Variants in STIM1 observed in about 807,000 individuals in gnomAD.
STIM1 encodes the protein stromal interaction molecule 1.
STIM1 carries 25 observed loss-of-function variants against 74.7 expected under a neutral mutation model. That is an observed-to-expected ratio of 0.33 (90% CI 0.24 to 0.47). The LOEUF (loss-of-function observed/expected upper bound fraction) is 0.47, where lower values mean the gene tolerates loss of function less well. Ranked by LOEUF, STIM1 falls within the 20% of genes least tolerant of loss-of-function variation. The pLI is 1.00. For missense variants in STIM1, 728 were observed against 920.8 expected, an observed-to-expected ratio of 0.79 and a Z score of 2.71; for synonymous variants, 328 against 348.8, an observed-to-expected ratio of 0.94 and a Z score of 0.66.
intron 1 of STIM1, among the ~76,000 whole-genome samples, chr11:3,917,111 T>A (rs969701573): frequency 6.6e-6 from 1 of 152,160 alleles, no homozygotes; most frequent in Non-Finnish European, 1.5e-5. Context: ...CACACCCTTA[T>A]GTACGCGTAG....
chr11:3,910,809 T>A (rs2092549241), intron 1 of STIM1, among the ~76,000 whole-genome samples: 1 of 149,154 alleles, frequency 6.7e-6, no homozygotes, highest in Admixed American at 6.7e-5. Context: ...GTGAAACCCC[T>A]GTCTCTACTA....
chr11:4,048,066 A>G (rs1282808129), intron 3 of STIM1, among the ~76,000 whole-genome samples: 6 of 152,058 alleles, frequency 3.9e-5, no homozygotes, highest in African/African-American at 1.4e-4. Context: ...TGATCTGCCC[A>G]CCTCAGCCTC....
intron 1 of STIM1, among the ~76,000 whole-genome samples, chr11:3,858,536 G>T (rs1413920582): frequency 6.6e-6 from 1 of 152,126 alleles, no homozygotes; most frequent in East Asian, 1.9e-4. Flanking sequence ...TTTTCCCCTT[G>T]GGTCTACCTG....
chr11:4,086,895 C>A (rs2094497300), intron 12 of STIM1: 1 of 1,512,294 alleles, frequency 6.6e-7, no homozygotes, highest in African/African-American at 1.4e-5. Context: ...TCTTCCCTTC[C>A]TTCCCTTTCT....
At chr11:4,021,818 A>G (rs1221122094) in intron 2 of STIM1, among the ~76,000 whole-genome samples, 1 of 152,178 alleles carries the variant, frequency 6.6e-6, no homozygotes, top group East Asian at 1.9e-4. Flanking sequence ...CCATGTACAT[A>G]GGGTATCTTT....
At chr11:3,895,042 C>G (rs1023720076) in intron 1 of STIM1, among the ~76,000 whole-genome samples, 12 of 152,194 alleles carry the variant, frequency 7.9e-5, no homozygotes, top group African/African-American at 2.9e-4. Flanking sequence ...AGCCACCGCG[C>G]CCGGCCGACC....
chr11:3,990,446 CATACAT>C (rs1176068483), intron 2 of STIM1, among the ~76,000 whole-genome samples: 2 of 152,156 alleles, frequency 1.3e-5, no homozygotes, highest in Non-Finnish European at 2.9e-5. Context: ...CTCTTGGGTA[CATACAT>C]ATGAATAGAA....
intron 1 of STIM1, among the ~76,000 whole-genome samples, chr11:3,945,215 T>G (rs2135630847): frequency 6.6e-6 from 1 of 152,296 alleles, no homozygotes; most frequent in Non-Finnish European, 1.5e-5. Flanking sequence ...GCAGTTATTG[T>G]GAGAATTTAA....
chr11:3,863,813 A>G (rs2090737532), intron 1 of STIM1, among the ~76,000 whole-genome samples: 1 of 152,132 alleles, frequency 6.6e-6, no homozygotes, highest in African/African-American at 2.4e-5. Context: ...TTTACTTCAT[A>G]ATGGCCCCAA....
intron 2 of STIM1, among the ~76,000 whole-genome samples, chr11:3,986,282 T>A (rs1444353481): frequency 1.3e-5 from 2 of 152,164 alleles, no homozygotes; most frequent in Non-Finnish European, 2.9e-5. Context: ...AGAAAAGGTA[T>A]TGCCTGAGAT....
intron 2 of STIM1, among the ~76,000 whole-genome samples, chr11:3,992,710 A>G (rs557329208): frequency 6.6e-6 from 1 of 152,214 alleles, no homozygotes; most frequent in East Asian, 1.9e-4. Flanking sequence ...CAAGGTCGTG[A>G]TGACTTACCC....
rs558911615 is a variant in STIM1, at chr11:3,917,435, G to GTTTT, written c.140-50103_140-50100dup. 8.2e-4 allele frequency among the ~76,000 whole-genome samples: 109 copies of GTTTT among 133,320 alleles called. 2 individuals carry two copies. The highest frequency in any genetic ancestry group is 2.9e-3 in the African/African-American group (106 of 36,298). 87.5% of individuals were successfully genotyped at this position (133,320 alleles called of 152,430 possible). On this transcript the variant is annotated intron_variant, in intron 1 of 12. Coordinates refer to ENST00000526596, the MANE Select transcript of STIM1 (RefSeq NM_001382567.1). ...TGAATGCTGACTTCACAGGGTTTCTGTTTTTTTTTTTTTTTTTGAGACAGG... is the reference window on the plus strand; with the variant it reads ...TGAATGCTGACTTCACAGGGTTTCTGTTTTTTTTTTTTTTTTTTTTTGAGACAGG...
chr11:3,880,715 G>T (rs1223610040), intron 1 of STIM1, among the ~76,000 whole-genome samples: 1 of 151,964 alleles, frequency 6.6e-6, no homozygotes, highest in Non-Finnish European at 1.5e-5. Flanking sequence ...TTATATCTCT[G>T]GCCTCCCTGG....
intron 1 of STIM1, among the ~76,000 whole-genome samples, chr11:3,864,002 G>T (rs988257846): frequency 6.6e-6 from 1 of 151,982 alleles, no homozygotes; most frequent in South Asian, 2.1e-4. Flanking sequence ...CATCCCCCGA[G>T]AATAAAGGAG....
chr11:4,030,248 G>T (rs1346937120), intron 3 of STIM1, among the ~76,000 whole-genome samples: 1 of 150,620 alleles, frequency 6.6e-6, no homozygotes, highest in Non-Finnish European at 1.5e-5. Context: ...AGAATTGTTT[G>T]AACCCAGGGT....
At chr11:3,879,255 G>C (rs2018918) in intron 1 of STIM1, among the ~76,000 whole-genome samples, 147,667 of 152,342 alleles carry the variant, frequency 0.97, 71,578 homozygotes, top group East Asian at 1. Flanking sequence ...TGCGTCCAGC[G>C]TTTCATACCT....
intron 1 of STIM1, among the ~76,000 whole-genome samples, chr11:3,904,518 C>T (rs146295596): frequency 7.9e-5 from 12 of 152,076 alleles, no homozygotes; most frequent in Admixed American, 3.3e-4. Context: ...TAAGCTTTAC[C>T]GTCGATATTT....
intron 1 of STIM1, among the ~76,000 whole-genome samples, chr11:3,893,685 G>A (rs1220206322): frequency 6.7e-6 from 1 of 148,378 alleles, no homozygotes; most frequent in African/African-American, 2.5e-5. Context: ...GTCTCGCTCT[G>A]TAGCCCAGTC....
chr11:3,956,885 GA>G (rs2093221648), intron 1 of STIM1, among the ~76,000 whole-genome samples: 1 of 145,752 alleles, frequency 6.9e-6, no homozygotes, highest in Non-Finnish European at 1.5e-5. Flanking sequence ...GCAAATTAGG[GA>G]AAGCGAAGAT....
Sources: gnomAD v4.1 joint callset for allele counts (sites outside exome capture counted in the v4.1 genomes callset) on GRCh38, gnomAD v4.1.1 for gene constraint, MANE v1.5 for transcripts, NCBI Gene and HGNC (gene_info 2026-07-23, HGNC 2026-07-21) for gene names.